The following LEF1 variants were observed in gnomAD, a reference collection of about 807,000 sequenced individuals.
LEF1 encodes the protein lymphoid enhancer-binding factor 1.
LEF1 carries 14 observed loss-of-function variants against 51.2 expected under a neutral mutation model. The observed-to-expected ratio is 0.27, with a 90% confidence interval of 0.18 to 0.43. LEF1 has a LOEUF of 0.43. Ranked by LOEUF, LEF1 falls within the 20% of genes least tolerant of loss-of-function variation. The probability of loss-of-function intolerance (pLI) is 1.00; values close to 1 mark genes in which losing one functional copy is unlikely to be tolerated. For synonymous variants in LEF1, 185 were observed against 183.2 expected (o/e 1.01, Z -0.08); for missense variants, 386 against 512.0 (o/e 0.75, Z 2.37).
intron 3 of LEF1, among the ~76,000 whole-genome samples, chr4:108,091,037 T>C (rs1309788830): frequency 6.6e-6 from 1 of 152,164 alleles, no homozygotes; most frequent in Middle Eastern, 3.2e-3. Context: ...TTATGCTCAA[T>C]TCACTAGTTC....
intron 4 of LEF1, among the ~76,000 whole-genome samples, chr4:108,086,162 T>G (rs1739632711): frequency 6.6e-6 from 1 of 152,238 alleles, no homozygotes; most frequent in South Asian, 2.1e-4. Context: ...AAAATCCTAT[T>G]TCCAAAGATT....
At chr4:108,051,695 G>A (rs1737001854) in intron 11 of LEF1, among the ~76,000 whole-genome samples, 3 of 152,264 alleles carry the variant, frequency 2.0e-5, no homozygotes, top group African/African-American at 7.2e-5. Flanking sequence ...TTTGTACTGG[G>A]GATGCAAAGG....
intron 3 of LEF1, among the ~76,000 whole-genome samples, chr4:108,127,776 A>G (rs1041551079): frequency 6.6e-6 from 1 of 152,222 alleles, no homozygotes; most frequent in African/African-American, 2.4e-5. Context: ...GGGGGTATGT[A>G]GCTTGTACAA....
At chr4:108,155,213 T>C (rs980485706) in intron 3 of LEF1, among the ~76,000 whole-genome samples, 2 of 152,186 alleles carry the variant, frequency 1.3e-5, no homozygotes, top group African/African-American at 4.8e-5. Flanking sequence ...AGTTAAGAGT[T>C]ATCTGGCAAT....
intron 6 of LEF1, among the ~76,000 whole-genome samples, chr4:108,081,062 C>T (rs1739263332): frequency 6.6e-6 from 1 of 152,114 alleles, no homozygotes; most frequent in Non-Finnish European, 1.5e-5. Context: ...GGACGCACAC[C>T]CTGTATGGCC....
intron 1 of LEF1, 99 bp from the exon 2 acceptor site, chr4:108,165,262 A>C: frequency 9.1e-7 from 1 of 1,097,518 alleles, no homozygotes; most frequent in Admixed American, 1.7e-5. Context: ...TCAAAGGAAG[A>C]GGTTTAGGGG....
intron 1 of LEF1, 180 bp from the exon 2 acceptor site, chr4:108,165,343 G>A (rs758940468): frequency 1.9e-6 from 1 of 524,538 alleles, no homozygotes; most frequent in Non-Finnish European, 3.4e-6. Flanking sequence ...TTGTCAACAT[G>A]TATTTTTGAG....
chr4:108,081,403 C>T (rs3819199), intron 6 of LEF1, among the ~76,000 whole-genome samples, 183 bp downstream of exon 6: 69,320 of 151,640 alleles, frequency 0.46, 17,814 homozygotes, highest in Middle Eastern at 0.68. Context: ...CGGGGCACAG[C>T]GCAGAGCTCC....
At chr4:108,073,921 G>C (rs541802652) in intron 8 of LEF1, among the ~76,000 whole-genome samples, 1 of 151,644 alleles carries the variant, frequency 6.6e-6, no homozygotes, top group East Asian at 1.9e-4. Context: ...CGCCTCCCAG[G>C]TTCAAGTGAT....
At chr4:108,069,039 T>C (rs1301876696) in intron 9 of LEF1, among the ~76,000 whole-genome samples, 1 of 152,088 alleles carries the variant, frequency 6.6e-6, no homozygotes, top group Non-Finnish European at 1.5e-5. Context: ...GGGAGAGTCT[T>C]TGGGAGGTGA....
At chr4:108,166,826 G>A (rs1745429191) in intron 1 of LEF1, 1 of 985,664 alleles carries the variant, frequency 1.0e-6, no homozygotes, top group Admixed American at 6.1e-5. Flanking sequence ...AGTGATGGCG[G>A]TTGGAGAAAA....
At chr4:108,092,939 A>AAAAAAC (rs1560784322) in intron 3 of LEF1, among the ~76,000 whole-genome samples, 2 of 90,670 alleles carry the variant, frequency 2.2e-5, no homozygotes, top group Non-Finnish European at 4.4e-5. Flanking sequence ...AAAAAAAAAA[A>AAAAAAC]AAAAAAAAAA....
chr4:108,164,740 C>G (rs768976752), intron 2 of LEF1, among the ~76,000 whole-genome samples: 5 of 151,914 alleles, frequency 3.3e-5, no homozygotes, highest in Non-Finnish European at 7.4e-5. Flanking sequence ...GAAAATAAAT[C>G]GATATATACT....
Position 108,167,903 on chromosome 4 carries a change from G to A in LEF1, c.-136C>T. ...GCAGCAGGACAGCGGGCGGAAGCGG[G>A]GCGGGCGAGCGCGGGGCCGCCGGCC... is the stretch of plus-strand genomic sequence containing the variant. On this transcript the variant is annotated 5_prime_UTR_variant, in exon 1 of 12. Transcript: ENST00000265165. This position sits in a 1 kb window ranked among gnomAD's most constrained non-coding sequence, Gnocchi z 5.7. 1.7e-6 allele frequency: 1 copy of A among 605,548 alleles called. No individual in the cohort carries two copies. The highest frequency in any genetic ancestry group is 2.4e-6 in the Non-Finnish European group (1 of 409,958). 37.5% of individuals were successfully genotyped at this position (605,548 alleles called of 1,614,324 possible). A position where few individuals can be genotyped will look rare whatever the true frequency, so the allele number is the denominator to read the frequency against.
At chr4:108,084,902 A>G (rs1469176545) in intron 4 of LEF1, among the ~76,000 whole-genome samples, 1 of 151,918 alleles carries the variant, frequency 6.6e-6, no homozygotes, top group African/African-American at 2.4e-5. Context: ...AGATCCAGAT[A>G]CCTCCCCAAA....
chr4:108,063,796 G>A, intron 10 of LEF1, 133 bp from the exon 11 acceptor site: 1 of 639,278 alleles, frequency 1.6e-6, no homozygotes, highest in Non-Finnish European at 2.7e-6. Context: ...ATTTTTATTT[G>A]TGCAGTACAA....
At chr4:108,078,172 G>A (rs766780316) in intron 8 of LEF1, 48 bp downstream of exon 8, 5 of 1,571,448 alleles carry the variant, frequency 3.2e-6, no homozygotes, top group Non-Finnish European at 4.4e-6. Context: ...TTTTCATGAA[G>A]CAGTTCCATG....
At chr4:108,144,681 C>A (rs1431129968) in intron 3 of LEF1, among the ~76,000 whole-genome samples, 2 of 151,932 alleles carry the variant, frequency 1.3e-5, no homozygotes, top group African/African-American at 4.8e-5. Flanking sequence ...GAGGGCAGGG[C>A]CACAGGAGGG....
rs140066020 is a variant in LEF1, at chr4:108,057,415, A to G, written c.*6+6208T>C. On this transcript the variant is annotated intron_variant, in intron 11 of 11. Transcript: ENST00000265165. Reference sequence around the variant, plus strand: ...ACAGAATTTGGAACAAACATTAGGCAAAAGTGTCAAACTTACCAGAGTGAG... The same window carrying G: ...ACAGAATTTGGAACAAACATTAGGCGAAAGTGTCAAACTTACCAGAGTGAG... 2.0e-5 allele frequency among the ~76,000 whole-genome samples: 3 copies of G among 152,300 alleles called. No homozygotes were observed. In the East Asian group the frequency reaches 5.8e-4, roughly 29 times the overall value.
Sources: allele counts gnomAD v4.1 joint callset (sites outside exome capture counted in the v4.1 genomes callset), GRCh38; gene constraint gnomAD v4.1.1; non-coding constraint Gnocchi (gnomAD v3.1); transcripts MANE v1.5; gene names NCBI Gene and HGNC (gene_info 2026-07-23, HGNC 2026-07-21).